The following PLXNA4 variants were observed in gnomAD, a reference collection of about 807,000 sequenced individuals.
The protein encoded by PLXNA4 is plexin-A4.
PLXNA4 carries 44 observed loss-of-function variants against 191.8 expected under a neutral mutation model. That is an observed-to-expected ratio of 0.23 (90% CI 0.18 to 0.29). PLXNA4 has a LOEUF of 0.29. PLXNA4 is among the 10% of genes least tolerant of loss of function. The pLI, the probability that PLXNA4 is intolerant of heterozygous loss-of-function variation, is 1.00. For synonymous variants in PLXNA4, 1,082 were observed against 1,009.5 expected (o/e 1.07, Z -1.36); for missense variants, 1,800 against 2,488.8 (o/e 0.72, Z 5.89).
intron 4 of PLXNA4, among the ~76,000 whole-genome samples, chr7:132,270,959 T>C (rs1457168859): frequency 6.6e-6 from 1 of 152,236 alleles, no homozygotes; most frequent in Non-Finnish European, 1.5e-5. Flanking sequence ...CTTATTTTTT[T>C]CTGAGACACA....
chr7:132,281,277 T>C (rs570453973), intron 4 of PLXNA4, among the ~76,000 whole-genome samples: 1 of 152,214 alleles, frequency 6.6e-6, no homozygotes, highest in Non-Finnish European at 1.5e-5. Flanking sequence ...AAGTGCATTG[T>C]TGGCTGTGCT....
chr7:132,552,257 G>A (rs1800595815), intron 1 of PLXNA4, among the ~76,000 whole-genome samples: 1 of 152,148 alleles, frequency 6.6e-6, no homozygotes, highest in Non-Finnish European at 1.5e-5. Flanking sequence ...GAACCTCAGT[G>A]CTAAAGCCCT....
intron 31 of PLXNA4, among the ~76,000 whole-genome samples, chr7:132,132,425 C>CTGTTCTGTTCTGT (rs1794966313): frequency 5.4e-5 from 4 of 74,022 alleles, no homozygotes; most frequent in African/African-American, 2.2e-4. Flanking sequence ...CTGTTCTGTT[C>CTGTTCTGTTCTGT]TGTTCTGTTC....
At chr7:132,593,091 G>A (rs1478598225) in intron 2 of PLXNA4, among the ~76,000 whole-genome samples, 1 of 152,232 alleles carries the variant, frequency 6.6e-6, no homozygotes, top group Admixed American at 6.5e-5. Flanking sequence ...ACTAATTCGT[G>A]AGGATGATAT....
chr7:132,222,250 T>C (rs150936862), intron 9 of PLXNA4, among the ~76,000 whole-genome samples: 1 of 152,236 alleles, frequency 6.6e-6, no homozygotes, highest in Non-Finnish European at 1.5e-5. Context: ...GATTTTCTGA[T>C]GGCTAAGCAC....
intron 3 of PLXNA4, among the ~76,000 whole-genome samples, chr7:132,330,546 G>A (rs1006864563): frequency 6.6e-6 from 1 of 152,226 alleles, no homozygotes; most frequent in Non-Finnish European, 1.5e-5. Context: ...ACTTTAAAAT[G>A]TGAAAATGTA....
intron 3 of PLXNA4, among the ~76,000 whole-genome samples, chr7:132,329,489 G>C (rs1802506723): frequency 6.6e-6 from 1 of 152,242 alleles, no homozygotes; most frequent in South Asian, 2.1e-4. Context: ...GGGTCCAGTG[G>C]TTGTCACACA....
At chr7:132,515,523 C>T (rs891118200) in intron 1 of PLXNA4, among the ~76,000 whole-genome samples, 2 of 152,152 alleles carry the variant, frequency 1.3e-5, no homozygotes, top group Non-Finnish European at 2.9e-5. Context: ...ACTATTTTTC[C>T]ATGGGATCAA....
At chr7:132,562,517 CTCT>C (rs1801249267) in intron 1 of PLXNA4, among the ~76,000 whole-genome samples, 1 of 125,214 alleles carries the variant, frequency 8.0e-6, no homozygotes, top group African/African-American at 3.3e-5. Flanking sequence ...CCTTCTCCTC[CTCT>C]TCCTCCTCCT....
intron 6 of PLXNA4, 138 bp from the exon 7 acceptor site, chr7:132,227,742 A>G: frequency 8.8e-7 from 1 of 1,133,362 alleles, no homozygotes; most frequent in South Asian, 1.5e-5. Flanking sequence ...ATTAACATGG[A>G]GAAGAGACTC....
intron 4 of PLXNA4, among the ~76,000 whole-genome samples, chr7:132,254,850 G>C (rs1260076547): frequency 6.6e-6 from 1 of 152,158 alleles, no homozygotes. Flanking sequence ...GCTCAGAATA[G>C]ATTCCCCATT....
At chr7:132,634,997 C>T (rs1012765554) in intron 2 of PLXNA4, among the ~76,000 whole-genome samples, 1 of 151,970 alleles carries the variant, frequency 6.6e-6, no homozygotes, top group Non-Finnish European at 1.5e-5. Flanking sequence ...ACGAGACTGG[C>T]CTAGCCTCCC....
chr7:132,189,005 AGAG>A (rs1562908942), intron 14 of PLXNA4, among the ~76,000 whole-genome samples: 1 of 66,282 alleles, frequency 1.5e-5, no homozygotes. Context: ...AGAGAGAGAG[AGAG>A]AGAGAGAGAG....
At chr7:132,557,303 C>T (rs1800840989) in intron 1 of PLXNA4, among the ~76,000 whole-genome samples, 1 of 152,192 alleles carries the variant, frequency 6.6e-6, no homozygotes, top group Non-Finnish European at 1.5e-5. Flanking sequence ...CTATCACGTG[C>T]TACTGAAGTT....
intron 4 of PLXNA4, among the ~76,000 whole-genome samples, chr7:132,287,494 T>C (rs569654803): frequency 1.3e-5 from 2 of 152,256 alleles, no homozygotes; most frequent in African/African-American, 4.8e-5. Context: ...CTTGAGTGAG[T>C]TGCTCCAGGT....
intron 4 of PLXNA4, among the ~76,000 whole-genome samples, chr7:132,254,489 T>A (rs990455836): frequency 3.3e-5 from 5 of 152,348 alleles, no homozygotes; most frequent in African/African-American, 1.2e-4. Context: ...CAAAAATGTG[T>A]CTTTGAGCCT....
chr7:132,543,867 A>G (rs1203827593), intron 1 of PLXNA4, among the ~76,000 whole-genome samples: 1 of 152,234 alleles, frequency 6.6e-6, no homozygotes, highest in Non-Finnish European at 1.5e-5. Flanking sequence ...GACTCCTTTT[A>G]TCAAACTTTC....
chr7:132,247,233 T>C (rs1799090845), intron 4 of PLXNA4, among the ~76,000 whole-genome samples: 1 of 152,186 alleles, frequency 6.6e-6, no homozygotes, highest in African/African-American at 2.4e-5. Context: ...TGTGTGTATC[T>C]CTAATTTGTT....
At chr7:132,158,456 C>T (rs191131793) in intron 25 of PLXNA4, among the ~76,000 whole-genome samples, 1 of 152,324 alleles carries the variant, frequency 6.6e-6, no homozygotes, top group East Asian at 1.9e-4. Context: ...ATGCTTCTCC[C>T]TCCATGGCCA....
Sources: gnomAD v4.1 joint callset for allele counts (sites outside exome capture counted in the v4.1 genomes callset) on GRCh38, gnomAD v4.1.1 for gene constraint, MANE v1.5 for transcripts, NCBI Gene and HGNC (gene_info 2026-07-23, HGNC 2026-07-21) for gene names.